Variants in KLC1 observed in about 807,000 individuals in gnomAD.
KLC1 encodes the protein kinesin 2 60/70kDa.
KLC1 carries 30 observed loss-of-function variants against 84.2 expected under a neutral mutation model. The observed-to-expected ratio is 0.36, with a 90% CI of 0.27 to 0.48. KLC1 has a LOEUF of 0.48. Ranked by LOEUF, KLC1 falls within the 20% of genes least tolerant of loss-of-function variation. The pLI, the probability that KLC1 is intolerant of heterozygous loss-of-function variation, is 0.99. For missense variants in KLC1, 499 were observed against 805.4 expected (o/e 0.62, Z 4.60); for synonymous variants, 289 against 293.3 (o/e 0.99, Z 0.15).
intron 1 of KLC1, 99 bp from the exon 2 acceptor site, chr14:103,654,465 C>T: frequency 1.2e-6 from 1 of 854,178 alleles, no homozygotes; most frequent in Non-Finnish European, 1.7e-6. Context: ...TTATTATTCC[C>T]CTATAAAATG....
chr14:103,668,409 C>T (rs1409241603), intron 5 of KLC1, among the ~76,000 whole-genome samples: 1 of 152,216 alleles, frequency 6.6e-6, no homozygotes, highest in Non-Finnish European at 1.5e-5. Context: ...GTTCACCTTG[C>T]CAGTCCATTT....
intron 15 of KLC1, chr14:103,696,997 C>G (rs570897863): frequency 1.0e-6 from 1 of 985,296 alleles, no homozygotes; most frequent in African/African-American, 1.7e-5. Flanking sequence ...CCAGCATGGG[C>G]GGGGCCGGCC....
In KLC1 at chr14:103,692,516, T is replaced by C. The variant is rs886653984; in HGVS notation, c.1848+91T>C. 10 of 1,106,958 alleles carry C rather than the reference T, an allele frequency of 9.0e-6. No homozygotes were observed. In the South Asian group the frequency reaches 1.2e-4, roughly 13 times the overall value. 68.6% of individuals were successfully genotyped at this position (1,106,958 alleles called of 1,614,324 possible). A position where few individuals can be genotyped will look rare whatever the true frequency, so the allele number is the denominator to read the frequency against. ...CCGCACTCGGCCCCTGCTCGGCCCC[T>C]GCTCCTGCAGAGGGCTGGGGACGCC... On this transcript the variant is annotated intron_variant, in intron 15 of 16. Transcript: ENST00000334553.
intron 9 of KLC1, 148 bp downstream of exon 9, chr14:103,673,579 CT>C (rs1436764153): frequency 1.7e-6 from 1 of 580,522 alleles, no homozygotes; most frequent in Non-Finnish European, 3.0e-6. Context: ...TTTCACTTCA[CT>C]TTCACAGCAG....
chr14:103,692,417 C>T lies in KLC1; in HGVS notation c.1840C>T (p.Arg614Cys), dbSNP rs759422899. The change falls in exon 15 of 17, where the codon CGC becomes TGC. Residue 614 changes from arginine (R) to cysteine (C), a missense_variant. Arg to Cys is a radical substitution (Grantham distance 180). This residue lies in a region of KLC1 where 167 missense variants were observed against 208.8 expected (regional missense o/e 0.80). Transcript: ENST00000334553. ...LNVGGKAAED[R>C]FQGVSGRASF... ...CGTGGGTGGCAAGGCTGCTGAAGATCGCTTTCAAGTAAGGAGCCTACCCCG... is the reference window on the plus strand; with the variant it reads ...CGTGGGTGGCAAGGCTGCTGAAGATTGCTTTCAAGTAAGGAGCCTACCCCG... The T allele has an allele frequency of 1.6e-5, 24 of 1,536,472 alleles. No homozygotes were observed. The highest frequency in any genetic ancestry group is 1.9e-5 in the Non-Finnish European group (22 of 1,146,988).
chr14:103,696,285 CAG>C (rs2082508589), intron 15 of KLC1: 3 of 985,282 alleles, frequency 3.0e-6, no homozygotes, highest in African/African-American at 1.7e-5. Flanking sequence ...GTGTGTGGCT[CAG>C]GGGTCCTCAG....
Position 103,693,593 on chromosome 14 carries a change from C to T in KLC1, c.1848+1168C>T. On this transcript the variant is annotated intron_variant, in intron 15 of 16. Coordinates refer to ENST00000334553, the MANE Select transcript of KLC1 (RefSeq NM_001394837.1). The surrounding 1 kb of genome is among the most constrained non-coding windows in gnomAD (Gnocchi z 5.1). Reference sequence around the variant, plus strand: ...CTGGCCGACTCGCGAGCTCTGAGTGCCAGCCACACTGACCTGGCCCACTGA... The same window carrying T: ...CTGGCCGACTCGCGAGCTCTGAGTGTCAGCCACACTGACCTGGCCCACTGA... 1 of 1,536,124 alleles carries T rather than the reference C, an allele frequency of 6.5e-7. No homozygotes were observed. The highest frequency in any genetic ancestry group is 8.7e-7 in the Non-Finnish European group (1 of 1,146,906).
At chr14:103,644,399 C>T (rs1271568768) in intron 1 of KLC1, among the ~76,000 whole-genome samples, 5 of 151,702 alleles carry the variant, frequency 3.3e-5, no homozygotes, top group African/African-American at 4.8e-5. Context: ...GCTGGGATTA[C>T]AGGCTCCCGC....
At chr14:103,685,311 A>ACTTGTAAAGGAGAT in intron 13 of KLC1, 1 of 1,318,920 alleles carries the variant, frequency 7.6e-7, no homozygotes, top group Non-Finnish European at 9.7e-7. Flanking sequence ...ATCTCCTTAT[A>ACTTGTAAAGGAGAT]TACAGTTACT....
intron 13 of KLC1, chr14:103,685,135 T>G: frequency 6.8e-7 from 1 of 1,477,402 alleles, no homozygotes; most frequent in Non-Finnish European, 9.0e-7. Context: ...TTGCTGCCTG[T>G]GGAAATTAAT....
chr14:103,693,651 G>C lies in KLC1; in HGVS notation c.1848+1226G>C, dbSNP rs2151862452. The C allele has an allele frequency of 6.5e-7, 1 of 1,533,274 alleles. No individual in the cohort carries two copies. The highest frequency in any genetic ancestry group is 8.7e-7 in the Non-Finnish European group (1 of 1,145,500). 95.0% of individuals were successfully genotyped at this position (1,533,274 alleles called of 1,614,324 possible). A position where few individuals can be genotyped will look rare whatever the true frequency, so the allele number is the denominator to read the frequency against. On this transcript the variant is annotated intron_variant, in intron 15 of 16. Transcript: ENST00000334553. This position sits in a 1 kb window ranked among gnomAD's most constrained non-coding sequence, Gnocchi z 5.1. The stretch of plus-strand genomic sequence containing the variant: ...CAGGGCTAGGTAACCTGTCTTGGGA[G>C]TGTGAGACCGCCCCGCCCTGCCACG...
At chr14:103,667,353 C>T (rs145352381) in intron 5 of KLC1, among the ~76,000 whole-genome samples, 1,663 of 152,216 alleles carry the variant, frequency 0.011, 15 homozygotes, top group South Asian at 0.043. Context: ...GTGATCTACC[C>T]GCCTCAGCCT....
In KLC1 at chr14:103,694,786, C is replaced by T; in HGVS notation, c.1848+2361C>T. 1 of 985,486 alleles carries T rather than the reference C, an allele frequency of 1.0e-6. No individual in the cohort carries two copies. The highest frequency in any genetic ancestry group is 1.7e-5 in the African/African-American group (1 of 57,368). 61.0% of individuals were successfully genotyped at this position (985,486 alleles called of 1,614,324 possible). ...ACTTGTCACCTTCAGCCTCTAGAAG[C>T]TCCCCGTGGGGCACGAAGGCTGGGG... On this transcript the variant is annotated intron_variant, in intron 15 of 16. Coordinates refer to ENST00000334553, the MANE Select transcript of KLC1 (RefSeq NM_001394837.1). The surrounding 1 kb of genome is among the most constrained non-coding windows in gnomAD (Gnocchi z 4.5).
intron 2 of KLC1, among the ~76,000 whole-genome samples, chr14:103,657,344 G>C (rs975838225): frequency 2.6e-5 from 4 of 152,164 alleles, no homozygotes; most frequent in Admixed American, 6.6e-5. Flanking sequence ...TTCTGAGCGT[G>C]TGATATTCTT....
intron 1 of KLC1, among the ~76,000 whole-genome samples, chr14:103,649,930 C>G (rs1028828239): frequency 2.0e-5 from 3 of 152,048 alleles, no homozygotes; most frequent in African/African-American, 7.2e-5. Flanking sequence ...CTCCTGACCT[C>G]GTGATCCGCC....
chr14:103,693,066 C>G lies in KLC1; in HGVS notation c.1848+641C>G, dbSNP rs908025627. Among the ~76,000 whole-genome samples, 3 of 152,230 alleles carry G rather than the reference C, an allele frequency of 2.0e-5. No homozygotes were observed. The highest frequency in any genetic ancestry group is 3.2e-3 in the Middle Eastern group (1 of 316). On this transcript the variant is annotated intron_variant, in intron 15 of 16. Coordinates refer to ENST00000334553, the MANE Select transcript of KLC1 (RefSeq NM_001394837.1). This position sits in a 1 kb window ranked among gnomAD's most constrained non-coding sequence, Gnocchi z 5.1. Reference sequence around the variant, plus strand: ...GCTCTAGAACCTGTTTCTCAGGTGCCTGGGGCCCACCCGGCAGCTCGAGCT... The same window carrying G: ...GCTCTAGAACCTGTTTCTCAGGTGCGTGGGGCCCACCCGGCAGCTCGAGCT...
chr14:103,698,789 G>A (rs774851674), intron 15 of KLC1: 24 of 1,585,054 alleles, frequency 1.5e-5, no homozygotes, highest in African/African-American at 5.4e-5. Context: ...TTGTGCAGCC[G>A]CCACCGTGTC....
chr14:103,675,040 GA>G (rs1405980089), intron 9 of KLC1, among the ~76,000 whole-genome samples: 1 of 152,100 alleles, frequency 6.6e-6, no homozygotes, highest in African/African-American at 2.4e-5. Context: ...ATATAAAAAA[GA>G]AAACAGGCTG....
chr14:103,648,460 C>T (rs192518007), intron 1 of KLC1, among the ~76,000 whole-genome samples: 31 of 152,016 alleles, frequency 2.0e-4, no homozygotes, highest in African/African-American at 7.0e-4. Context: ...TGTGGTAGTA[C>T]GAAAGAATGA....
Sources: allele counts gnomAD v4.1 joint callset (sites outside exome capture counted in the v4.1 genomes callset), GRCh38; gene constraint gnomAD v4.1.1; regional missense constraint gnomAD v4.1.1; non-coding constraint Gnocchi (gnomAD v3.1); transcripts MANE v1.5; gene names NCBI Gene and HGNC (gene_info 2026-07-23, HGNC 2026-07-21).